Variants in SLC38A8 observed in about 807,000 individuals in gnomAD.
The protein encoded by SLC38A8 is amino acid transporter SLC38A8.
SLC38A8 carries 65 observed loss-of-function variants against 46.0 expected under a neutral mutation model. The ratio of observed to expected loss-of-function variants is 1.41; its 90% confidence interval spans 1.16 to 1.74. SLC38A8 has a LOEUF of 1.74. SLC38A8 is among the 40% of genes most tolerant of loss of function. The pLI, the probability that SLC38A8 is intolerant of heterozygous loss-of-function variation, is 0.00. For synonymous variants in SLC38A8, 447 were observed against 243.7 expected, an observed-to-expected ratio of 1.83 and a Z score of -7.77; for missense variants, 998 against 567.9, an observed-to-expected ratio of 1.76 and a Z score of -7.70.
chr16:84,033,256 A>C (rs2085265444), intron 4 of SLC38A8, 72 bp downstream of exon 4: 1 of 1,601,732 alleles, frequency 6.2e-7, no homozygotes, highest in Non-Finnish European at 8.5e-7. Context: ...CTCTGACCCC[A>C]GATGGACAGA....
chr16:84,036,864 G>C lies in SLC38A8; in HGVS notation c.226C>G (p.Leu76Val), dbSNP rs368267268. Residue 76 changes from leucine to valine, a missense_variant, in exon 3 of 11, where the codon CTG (leucine) becomes GTG (valine). Leu to Val is a conservative substitution (Grantham distance 32). Coordinates refer to ENST00000299709, the MANE Select transcript of SLC38A8 (RefSeq NM_001080442.3). The stretch of plus-strand genomic sequence containing the variant: ...CCACTGACAGCAGCAGCATAGCCCA[G>C]GATGACCAGCCCGCTGATCAGGAAG... The part of the protein sequence containing the change: ...LVFLISGLVI[L>V]GYAAAVSGQA... 2.5e-5 allele frequency: 41 copies of C among 1,613,366 alleles called. No homozygotes were observed. In the African/African-American group the frequency reaches 3.5e-4, roughly 14 times the overall value.
chr16:84,031,898 C>A lies in SLC38A8; in HGVS notation c.601G>T (p.Gly201Cys), dbSNP rs998296559. ...ITVQYYLWPQ[G>C]LVRESHPSLS... ...GAAGGATGGGACTCACGCACGAGGC[C>A]CTGGGGCCAGAGGTAGTACTGCACG... is the stretch of plus-strand genomic sequence containing the variant. Residue 201 changes from glycine to cysteine, a missense_variant, in exon 5 of 11, where the codon GGC (glycine) becomes TGC (cysteine). By Grantham distance (159) the Gly-to-Cys change is radical (BLOSUM62 -3). Coordinates refer to ENST00000299709, the MANE Select transcript of SLC38A8 (RefSeq NM_001080442.3). 10 of 1,614,052 alleles carry A rather than the reference C, an allele frequency of 6.2e-6. No individual in the cohort carries two copies. In the African/African-American group the frequency reaches 1.3e-4, roughly 22 times the overall value.
At chr16:84,023,894 A>G (rs1379414233) in intron 6 of SLC38A8, among the ~76,000 whole-genome samples, 1 of 152,194 alleles carries the variant, frequency 6.6e-6, no homozygotes, top group Non-Finnish European at 1.5e-5. Flanking sequence ...ACTGTGTCTC[A>G]AAAGAAAAAC....
In SLC38A8 at chr16:84,042,028, T is replaced by C; in HGVS notation, c.130A>G (p.Asn44Asp). The C allele has an allele frequency of 1.2e-6, 2 of 1,613,436 alleles. No homozygotes were observed. Among genetic ancestry groups the C allele is most frequent in the Non-Finnish European group, 1.7e-6 (2 of 1,179,716 alleles). Residue 44 changes from asparagine (N) to aspartate (D), a missense_variant, in exon 2 of 11, where the codon AAC becomes GAC. Asn to Asp is a conservative substitution (Grantham distance 23). Transcript: ENST00000299709. ...GCTTTGGAGAAGGCCCAGGGGAAGT[T>C]GAGCAGGCCAGCTCCCAGCGCGGAC... ...MKSALGAGLL[N>D]FPWAFSKAGG...
chr16:84,018,031 G>C (rs1188724023), intron 7 of SLC38A8, among the ~76,000 whole-genome samples: 2 of 151,994 alleles, frequency 1.3e-5, no homozygotes, highest in Admixed American at 6.6e-5. Context: ...TCCATTTTTT[G>C]TTGCTTACAA....
Position 84,036,913 on chromosome 16 carries a change from A to G in SLC38A8, c.190-13T>C, listed in dbSNP as rs773784518. The G allele has an allele frequency of 2.5e-6, 4 of 1,602,712 alleles. No individual in the cohort carries two copies. In the South Asian group the frequency reaches 4.5e-5, roughly 18 times the overall value. ...AGACCAACGAGACCTGCGGAGAAGG[A>G]GCAGGACCTGGAACTGGGGTGTGCC... On this transcript the variant is annotated splice_polypyrimidine_tract_variant and intron_variant, in intron 2 of 10. Transcript: ENST00000299709.
intron 6 of SLC38A8, among the ~76,000 whole-genome samples, chr16:84,025,469 G>A (rs79617368): frequency 2.2e-4 from 33 of 152,252 alleles, no homozygotes; most frequent in East Asian, 7.7e-4. Context: ...TCCTCAACAC[G>A]AGCGGGCTTT....
intron 9 of SLC38A8, among the ~76,000 whole-genome samples, chr16:84,015,276 T>C (rs1367572910): frequency 6.6e-6 from 1 of 152,078 alleles, no homozygotes; most frequent in East Asian, 1.9e-4. Context: ...TGTACCCTTT[T>C]CCACTGGAAG....
At chr16:84,037,111 G>A (rs879543100) in intron 2 of SLC38A8, among the ~76,000 whole-genome samples, 1 of 152,210 alleles carries the variant, frequency 6.6e-6, no homozygotes, top group Admixed American at 6.5e-5. Flanking sequence ...AGTGCAGGCT[G>A]ATTCTGGCAG....
chr16:84,012,540 G>A (rs2084966765), intron 10 of SLC38A8, among the ~76,000 whole-genome samples: 1 of 152,202 alleles, frequency 6.6e-6, no homozygotes, highest in South Asian at 2.1e-4. Context: ...AAGACATGTG[G>A]GTATGGTGGG....
chr16:84,031,229 C>T (rs572619310), intron 5 of SLC38A8, among the ~76,000 whole-genome samples: 1 of 152,148 alleles, frequency 6.6e-6, no homozygotes, highest in East Asian at 1.9e-4. Context: ...TATGTAGAGA[C>T]AGGGTTTCAC....
chr16:84,024,332 G>T (rs1028802099), intron 6 of SLC38A8, among the ~76,000 whole-genome samples: 2 of 152,138 alleles, frequency 1.3e-5, no homozygotes, highest in African/African-American at 4.8e-5. Flanking sequence ...TATGTGACAT[G>T]CCATATTGGG....
intron 9 of SLC38A8, among the ~76,000 whole-genome samples, chr16:84,015,687 G>C (rs576102331): frequency 2.6e-5 from 4 of 152,212 alleles, no homozygotes; most frequent in Non-Finnish European, 5.9e-5. Flanking sequence ...TGCTAATAAA[G>C]ACCTACCAGG....
chr16:84,011,219 G>A (rs73240227), intron 10 of SLC38A8, among the ~76,000 whole-genome samples: 1,636 of 152,254 alleles, frequency 0.011, 26 homozygotes, highest in African/African-American at 0.037. Context: ...TGTATTAGAA[G>A]GACCCAAAGC....
chr16:84,028,693 C>A (rs1005640608), intron 6 of SLC38A8, among the ~76,000 whole-genome samples: 10 of 151,306 alleles, frequency 6.6e-5, no homozygotes, highest in Admixed American at 5.3e-4. Flanking sequence ...CCCCTGCCCC[C>A]CCTGCCCCGC....
At chr16:84,033,556 G>T (rs2085270606) in intron 3 of SLC38A8, 87 bp from the exon 4 acceptor site, 52 of 1,455,832 alleles carry the variant, frequency 3.6e-5, no homozygotes, top group Non-Finnish European at 4.7e-5. Context: ...CCTGGCTGGG[G>T]TTGGACATCC....
intron 8 of SLC38A8, among the ~76,000 whole-genome samples, chr16:84,016,928 C>T (rs528516561): frequency 6.6e-6 from 1 of 152,324 alleles, no homozygotes; most frequent in African/African-American, 2.4e-5. Context: ...GGGGATGAAG[C>T]ACGTGGTTCG....
chr16:84,031,439 G>A (rs1032232851), intron 5 of SLC38A8, among the ~76,000 whole-genome samples: 26 of 152,104 alleles, frequency 1.7e-4, no homozygotes, highest in Non-Finnish European at 8.8e-5. Flanking sequence ...CAAACTCCTC[G>A]CCGTGGCTCT....
chr16:84,042,249 T>G, intron 1 of SLC38A8, 90 bp from the exon 2 acceptor site: 5 of 1,398,834 alleles, frequency 3.6e-6, no homozygotes, highest in Non-Finnish European at 4.8e-6. Context: ...CCCAACTCAG[T>G]GAGAGCTCCC....
Sources: gnomAD v4.1 joint callset for allele counts (sites outside exome capture counted in the v4.1 genomes callset) on GRCh38, gnomAD v4.1.1 for gene constraint, MANE v1.5 for transcripts, NCBI Gene and HGNC (gene_info 2026-07-23, HGNC 2026-07-21) for gene names.